PPM1L: variants seen among roughly 807,000 people sequenced by gnomAD.
PPM1L encodes protein phosphatase, Mg2+/Mn2+ dependent 1L.
In PPM1L, 13 loss-of-function variants were observed where a neutral mutation model predicts 31.4. The ratio of observed to expected loss-of-function variants is 0.41; its 90% CI spans 0.27 to 0.66. The LOEUF (loss-of-function observed/expected upper bound fraction) is 0.66. Among genes scored for constraint, PPM1L ranks in the 30% least tolerant of loss-of-function variants. PPM1L has a pLI of 0.29. For missense variants in PPM1L, 326 were observed against 453.7 expected (o/e 0.72, Z 2.56); for synonymous variants, 184 against 175.4 (o/e 1.05, Z -0.39).
intron 2 of PPM1L, among the ~76,000 whole-genome samples, chr3:161,062,137 TGG>T (rs59929268): frequency 1.2e-3 from 178 of 150,022 alleles, no homozygotes; most frequent in South Asian, 2.1e-3. Context: ...TCTCTTTTAG[TGG>T]GGGGGGAAAA....
At chr3:160,893,224 T>G (rs752907275) in intron 1 of PPM1L, among the ~76,000 whole-genome samples, 5 of 152,196 alleles carry the variant, frequency 3.3e-5, no homozygotes, top group Non-Finnish European at 5.9e-5. Flanking sequence ...ACATCTCTCC[T>G]TATTTTTGTG....
chr3:160,963,470 G>T (rs903558336), intron 2 of PPM1L, among the ~76,000 whole-genome samples: 1 of 152,116 alleles, frequency 6.6e-6, no homozygotes, highest in East Asian at 1.9e-4. Flanking sequence ...ACATGTATGA[G>T]CTTTAGAGAA....
intron 1 of PPM1L, among the ~76,000 whole-genome samples, chr3:160,806,841 AAAG>A (rs1167901895): frequency 9.9e-5 from 15 of 151,186 alleles, no homozygotes; most frequent in Admixed American, 8.6e-4. Context: ...AGAAAGAAGG[AAAG>A]AAGGAAGGGA....
At chr3:160,846,551 A>G (rs1714082627) in intron 1 of PPM1L, among the ~76,000 whole-genome samples, 1 of 152,136 alleles carries the variant, frequency 6.6e-6, no homozygotes, top group South Asian at 2.1e-4. Context: ...TATTACATTG[A>G]AATAAGTCTT....
At position 161,069,503 on chromosome 3, in the gene PPM1L, G is replaced by A. The variant is rs114944971; in HGVS notation, c.*346G>A. 716 of 263,966 alleles carry A rather than the reference G, an allele frequency of 2.7e-3. 4 individuals are homozygous for A. The highest frequency in any genetic ancestry group is 0.015 in the African/African-American group (668 of 44,584). The allele number at this position is 263,966 out of a possible 1,614,324, so 16.4% of individuals were successfully genotyped here. A position where few individuals can be genotyped will look rare whatever the true frequency, so the allele number is the denominator to read the frequency against. On this transcript the variant is annotated 3_prime_UTR_variant, in exon 4 of 4. Transcript: ENST00000498165. ...CAAGATCCTGTTCAGGGTCCTCCAG[G>A]CATCAGCTGTTGTGTCCTCTCTTTG...
At chr3:160,980,169 G>A (rs991819490) in intron 2 of PPM1L, among the ~76,000 whole-genome samples, 2 of 152,048 alleles carry the variant, frequency 1.3e-5, no homozygotes, top group Non-Finnish European at 2.9e-5. Flanking sequence ...TCTGTTGGTT[G>A]CCTCTGCTTC....
chr3:160,920,342 G>A (rs1235329810), intron 1 of PPM1L, among the ~76,000 whole-genome samples: 1 of 152,010 alleles, frequency 6.6e-6, no homozygotes, highest in Non-Finnish European at 1.5e-5. Flanking sequence ...CTCCTCCCCA[G>A]GCTCCCAGTA....
chr3:160,979,086 A>G (rs1003365017), intron 2 of PPM1L, among the ~76,000 whole-genome samples: 77 of 152,040 alleles, frequency 5.1e-4, no homozygotes, highest in African/African-American at 1.8e-3. Flanking sequence ...TAACGGCTCA[A>G]CAGGACAGGA....
chr3:160,945,890 C>G (rs1715391271), intron 1 of PPM1L, among the ~76,000 whole-genome samples: 1 of 152,076 alleles, frequency 6.6e-6, no homozygotes, highest in African/African-American at 2.4e-5. Flanking sequence ...ATAACATTTT[C>G]TTCTCTCTGG....
intron 2 of PPM1L, among the ~76,000 whole-genome samples, chr3:161,009,172 C>CTA (rs1169063616): frequency 1.3e-5 from 2 of 152,114 alleles, no homozygotes; most frequent in African/African-American, 4.8e-5. Flanking sequence ...ATATATATTT[C>CTA]TACAGTGTTT....
At chr3:160,867,668 A>G (rs747783425) in intron 1 of PPM1L, among the ~76,000 whole-genome samples, 1 of 152,080 alleles carries the variant, frequency 6.6e-6, no homozygotes. Context: ...TGAAAATATG[A>G]TTTTTTATTT....
chr3:160,847,515 A>G (rs1714118461), intron 1 of PPM1L, among the ~76,000 whole-genome samples: 1 of 152,146 alleles, frequency 6.6e-6, no homozygotes, highest in Non-Finnish European at 1.5e-5. Context: ...CTCAATTGTG[A>G]TCTCAACTGG....
intron 2 of PPM1L, among the ~76,000 whole-genome samples, chr3:160,964,265 C>G (rs1337985216): frequency 6.6e-6 from 1 of 151,814 alleles, no homozygotes; most frequent in African/African-American, 2.4e-5. Flanking sequence ...TACTAATAGC[C>G]TATTGTTGAC....
In PPM1L at chr3:161,019,817, A is replaced by C. The variant is rs534090975; in HGVS notation, c.575-45586A>C. 2.0e-5 allele frequency among the ~76,000 whole-genome samples: 3 copies of C among 152,236 alleles called. No homozygotes were observed. In the South Asian group the frequency reaches 6.2e-4, roughly 32 times the overall value. ...GTTGGCCTTTTTCTCTAAAATCATA[A>C]ACGAAGCTAACTATAAAATGTTGTG... On this transcript the variant is annotated intron_variant, in intron 2 of 3. Coordinates refer to ENST00000498165, the MANE Select transcript of PPM1L (RefSeq NM_139245.4).
intron 1 of PPM1L, among the ~76,000 whole-genome samples, chr3:160,930,973 C>A (rs1049512045): frequency 1.3e-5 from 2 of 152,088 alleles, no homozygotes; most frequent in African/African-American, 4.8e-5. Context: ...GAGAGGGAAA[C>A]AGTGAATTTT....
intron 1 of PPM1L, among the ~76,000 whole-genome samples, chr3:160,905,082 T>C (rs189043670): frequency 2.0e-5 from 3 of 152,342 alleles, no homozygotes; most frequent in East Asian, 1.9e-4. Context: ...GTTGGACTCA[T>C]TGAGCGATGT....
chr3:161,010,753 T>G (rs1717867087), intron 2 of PPM1L, among the ~76,000 whole-genome samples: 1 of 152,238 alleles, frequency 6.6e-6, no homozygotes, highest in Non-Finnish European at 1.5e-5. Flanking sequence ...TTGGTTTTGA[T>G]TTGCATTTCT....
In PPM1L at chr3:161,040,235, G is replaced by C. The variant is rs1002116458; in HGVS notation, c.575-25168G>C. ...TTTGATATGAAGCCATTTCTCTCGAGTGACACTTCAGCATTTTTTTAATTG... is the reference window on the plus strand; with the variant it reads ...TTTGATATGAAGCCATTTCTCTCGACTGACACTTCAGCATTTTTTTAATTG... On this transcript the variant is annotated intron_variant, in intron 2 of 3. Coordinates refer to ENST00000498165, the MANE Select transcript of PPM1L (RefSeq NM_139245.4). Among the ~76,000 whole-genome samples, 7 of 152,238 alleles carry C rather than the reference G, an allele frequency of 4.6e-5. No individual in the cohort carries two copies. The South Asian group carries it at 1.2e-3, about 27-fold the overall frequency.
chr3:160,846,688 T>A (rs1385801550), intron 1 of PPM1L, among the ~76,000 whole-genome samples: 1 of 151,066 alleles, frequency 6.6e-6, no homozygotes, highest in South Asian at 2.1e-4. Flanking sequence ...GTGTGCATAG[T>A]GCTTTGTGAT....
Sources: gnomAD v4.1 joint callset for allele counts (sites outside exome capture counted in the v4.1 genomes callset) on GRCh38, gnomAD v4.1.1 for gene constraint, MANE v1.5 for transcripts, NCBI Gene and HGNC (gene_info 2026-07-23, HGNC 2026-07-21) for gene names.